SCTR: variants seen among roughly 807,000 people sequenced by gnomAD.
SCTR encodes the protein secretin receptor.
In SCTR, 56 loss-of-function variants were observed where a neutral mutation model predicts 60.8. The observed-to-expected ratio is 0.92, with a 90% confidence interval of 0.74 to 1.15. The LOEUF (loss-of-function observed/expected upper bound fraction) is 1.15, where lower values mean the gene tolerates loss of function less well. SCTR is among the 50% of genes most tolerant of loss of function. The pLI, the probability that SCTR is intolerant of heterozygous loss-of-function variation, is 0.00. For missense variants in SCTR, 562 were observed against 550.4 expected (o/e 1.02, Z -0.21); for synonymous variants, 202 against 217.0 (o/e 0.93, Z 0.61).
chr2:119,521,535 G>T (rs765915795), intron 1 of SCTR, among the ~76,000 whole-genome samples: 1 of 152,042 alleles, frequency 6.6e-6, no homozygotes, highest in South Asian at 2.1e-4. Flanking sequence ...GGGTGGGGCC[G>T]CAGAGGGGGC....
chr2:119,465,026 A>T (rs1683772819), intron 5 of SCTR, among the ~76,000 whole-genome samples: 1 of 152,200 alleles, frequency 6.6e-6, no homozygotes. Flanking sequence ...TACCGGAAAC[A>T]GGCTTTCTTC....
intron 7 of SCTR, among the ~76,000 whole-genome samples, chr2:119,455,186 G>C (rs866392426): frequency 6.6e-6 from 1 of 152,202 alleles, no homozygotes; most frequent in Non-Finnish European, 1.5e-5. Context: ...TCTACCCTCT[G>C]CCCACCTCCC....
At position 119,502,228 on chromosome 2, in the gene SCTR, A is replaced by G. The variant is rs192479210; in HGVS notation, c.73-7680T>C. On this transcript the variant is annotated intron_variant, in intron 1 of 12. Coordinates refer to ENST00000019103, the MANE Select transcript of SCTR (RefSeq NM_002980.3). Reference sequence around the variant, plus strand: ...GATTGCACCACTGCTCTCCAGACTCAGAGACAGAGTGAGACCCTGTCTCAA... The same window carrying G: ...GATTGCACCACTGCTCTCCAGACTCGGAGACAGAGTGAGACCCTGTCTCAA... 3.5e-4 allele frequency among the ~76,000 whole-genome samples: 53 copies of G among 152,298 alleles called. No individual in the cohort carries two copies. The East Asian group carries it at 0.01, about 29-fold the overall frequency.
intron 1 of SCTR, among the ~76,000 whole-genome samples, chr2:119,519,483 G>A (rs955399110): frequency 1.3e-5 from 2 of 152,050 alleles, no homozygotes; most frequent in Non-Finnish European, 2.9e-5. Flanking sequence ...CCAGAAACCC[G>A]GAACAGGCCT....
At chr2:119,495,021 A>C (rs59129182) in intron 1 of SCTR, among the ~76,000 whole-genome samples, 2,493 of 151,982 alleles carry the variant, frequency 0.016, 84 homozygotes, top group African/African-American at 0.057. Flanking sequence ...TGCAGCCTTG[A>C]TCTCCTGGGC....
chr2:119,506,675 C>G (rs1678749770), intron 1 of SCTR, among the ~76,000 whole-genome samples: 1 of 152,008 alleles, frequency 6.6e-6, no homozygotes, highest in African/African-American at 2.4e-5. Flanking sequence ...GAAATGGGGT[C>G]TCTGTTCCCA....
At chr2:119,477,202 C>T (rs1677365248) in intron 3 of SCTR, among the ~76,000 whole-genome samples, 1 of 152,168 alleles carries the variant, frequency 6.6e-6, no homozygotes, top group Admixed American at 6.5e-5. Context: ...AGGTCCCTTG[C>T]AGTTAGATGT....
At chr2:119,442,358 T>G (rs544563149) in intron 11 of SCTR, among the ~76,000 whole-genome samples, 67 of 152,300 alleles carry the variant, frequency 4.4e-4, no homozygotes, top group African/African-American at 1.1e-3. Context: ...TGCGGCGCAT[T>G]CACCCTGCTC....
At chr2:119,495,993 C>T (rs1334629082) in intron 1 of SCTR, among the ~76,000 whole-genome samples, 1 of 152,214 alleles carries the variant, frequency 6.6e-6, no homozygotes, top group Non-Finnish European at 1.5e-5. Flanking sequence ...TTGGAACAGG[C>T]AGTTTCCCTA....
intron 10 of SCTR, 72 bp downstream of exon 10, chr2:119,448,615 CCA>C: frequency 2.3e-6 from 2 of 853,940 alleles, no homozygotes; most frequent in East Asian, 4.9e-5. Context: ...ATAGCTAGCA[CCA>C]GTTAAGTAAA....
chr2:119,459,817 T>A (rs188169970), intron 7 of SCTR, among the ~76,000 whole-genome samples: 293 of 152,296 alleles, frequency 1.9e-3, no homozygotes, highest in African/African-American at 6.8e-3. Context: ...TCAAAGAATG[T>A]TGAATAAATT....
intron 1 of SCTR, among the ~76,000 whole-genome samples, chr2:119,506,235 C>T (rs1678735587): frequency 6.6e-6 from 1 of 152,176 alleles, no homozygotes; most frequent in Non-Finnish European, 1.5e-5. Context: ...TTCATAAAAG[C>T]CCCCAAACTT....
At chr2:119,493,011 C>A (rs544281355) in intron 2 of SCTR, among the ~76,000 whole-genome samples, 1 of 152,080 alleles carries the variant, frequency 6.6e-6, no homozygotes, top group Non-Finnish European at 1.5e-5. Context: ...GTGCCCACCA[C>A]CATGCTGGCT....
intron 4 of SCTR, among the ~76,000 whole-genome samples, chr2:119,470,466 GTTGTT>G (rs1045034558): frequency 6.6e-6 from 1 of 152,082 alleles, no homozygotes; most frequent in African/African-American, 2.4e-5. Context: ...TCTCAGAGCT[GTTGTT>G]TTGTTTTGTT....
At chr2:119,507,935 C>G (rs1217204796) in intron 1 of SCTR, among the ~76,000 whole-genome samples, 1 of 152,092 alleles carries the variant, frequency 6.6e-6, no homozygotes, top group African/African-American at 2.4e-5. Context: ...TCTCGGCCTC[C>G]CAAAGTGCTG....
At chr2:119,452,562 A>T (rs1337247054) in intron 8 of SCTR, among the ~76,000 whole-genome samples, 2 of 152,216 alleles carry the variant, frequency 1.3e-5, no homozygotes, top group African/African-American at 4.8e-5. Context: ...AACGTGTTAA[A>T]GGACCTCTCC....
intron 3 of SCTR, among the ~76,000 whole-genome samples, chr2:119,477,888 C>T (rs1256497132): frequency 2.0e-5 from 3 of 152,220 alleles, no homozygotes; most frequent in Non-Finnish European, 4.4e-5. Context: ...CCCCAGTTCC[C>T]ATAGTGTAGG....
intron 4 of SCTR, among the ~76,000 whole-genome samples, chr2:119,468,503 A>G (rs1387059262): frequency 6.6e-6 from 1 of 152,272 alleles, no homozygotes; most frequent in Non-Finnish European, 1.5e-5. Context: ...TCTACCTTGC[A>G]GACTTGTTGG....
intron 2 of SCTR, among the ~76,000 whole-genome samples, chr2:119,481,935 G>A (rs1677627491): frequency 6.6e-6 from 1 of 152,194 alleles, no homozygotes; most frequent in Non-Finnish European, 1.5e-5. Flanking sequence ...GAGGAGCCCT[G>A]TGCGTCCCAC....
Sources: allele counts gnomAD v4.1 joint callset (sites outside exome capture counted in the v4.1 genomes callset), GRCh38; gene constraint gnomAD v4.1.1; transcripts MANE v1.5; gene names NCBI Gene and HGNC (gene_info 2026-07-23, HGNC 2026-07-21).